The following TRUB1 variants were observed in gnomAD, a reference collection of about 807,000 sequenced individuals.
TRUB1 encodes the protein TruB pseudouridine synthase family member 1, also known as pseudouridylate synthase TRUB1.
Under a neutral mutation model 33.9 loss-of-function variants are expected in TRUB1, and 23 were observed. That is an observed-to-expected ratio of 0.68 (90% CI 0.49 to 0.96). TRUB1 has a LOEUF of 0.96. Among genes scored for constraint, TRUB1 ranks in the 40% least tolerant of loss-of-function variants. TRUB1 has a pLI of 0.00. For missense variants in TRUB1, 378 were observed against 422.2 expected, an observed-to-expected ratio of 0.90 and a Z score of 0.92; for synonymous variants, 163 against 165.4, an observed-to-expected ratio of 0.99 and a Z score of 0.11.
At chr10:114,974,794 T>C (rs1277803908) in intron 7 of TRUB1, among the ~76,000 whole-genome samples, 1 of 152,172 alleles carries the variant, frequency 6.6e-6, no homozygotes, top group African/African-American at 2.4e-5. Flanking sequence ...TGCCATTTAC[T>C]GGCAGTTGTC....
chr10:114,956,164 G>T (rs2084260925), intron 3 of TRUB1, among the ~76,000 whole-genome samples: 1 of 152,176 alleles, frequency 6.6e-6, no homozygotes, highest in African/African-American at 2.4e-5. Context: ...GAGTAAAGTA[G>T]AGAGTAGAAT....
intron 2 of TRUB1, among the ~76,000 whole-genome samples, chr10:114,948,926 G>C (rs1380440793): frequency 6.6e-6 from 1 of 152,156 alleles, no homozygotes; most frequent in Non-Finnish European, 1.5e-5. Context: ...TCTTCTCTCT[G>C]TTGTGTTCCC....
Position 114,976,213 on chromosome 10 carries a change from A to G in TRUB1, c.*834A>G, listed in dbSNP as rs542284583. The G allele has an allele frequency of 1.5e-5, 2 of 133,368 alleles. No individual in the cohort carries two copies. Among genetic ancestry groups the G allele is most frequent in the Admixed American group, 1.4e-4 (2 of 14,322 alleles). The allele number at this position is 133,368 out of a possible 1,614,324, so 8.3% of individuals were successfully genotyped here. On this transcript the variant is annotated 3_prime_UTR_variant, in exon 8 of 8. Coordinates refer to ENST00000298746, the MANE Select transcript of TRUB1 (RefSeq NM_139169.5). ...CTAAAAACTTTATTCTTTAGCATTTATTTATATTTCTCTGTAGGGTGTTCC... is the reference window on the plus strand; with the variant it reads ...CTAAAAACTTTATTCTTTAGCATTTGTTTATATTTCTCTGTAGGGTGTTCC...
intron 4 of TRUB1, among the ~76,000 whole-genome samples, chr10:114,964,478 G>C (rs1214625288): frequency 6.6e-6 from 1 of 151,988 alleles, no homozygotes; most frequent in East Asian, 1.9e-4. Context: ...CTCTTACTTT[G>C]TGGCTTGCCT....
Position 114,963,413 on chromosome 10 carries a change from G to A in TRUB1, c.523+3606G>A, listed in dbSNP as rs201948092. On this transcript the variant is annotated intron_variant, in intron 4 of 7. Transcript: ENST00000298746. Reference sequence around the variant, plus strand: ...TATAATTGGACTAGTGTGTAGCTGGGTATAAAAATTCTTACAAAGCTGTTT... The same window carrying A: ...TATAATTGGACTAGTGTGTAGCTGGATATAAAAATTCTTACAAAGCTGTTT... 2.0e-4 allele frequency among the ~76,000 whole-genome samples: 30 copies of A among 152,246 alleles called. 1 individual carries two copies. In the East Asian group the frequency reaches 5.8e-3, roughly 29 times the overall value.
intron 3 of TRUB1, 69 bp from the exon 4 acceptor site, chr10:114,959,657 C>T (rs1564699965): frequency 1.0e-6 from 1 of 987,944 alleles, no homozygotes. Flanking sequence ...TCTGTGTAAA[C>T]TTCAAGACAT....
intron 4 of TRUB1, among the ~76,000 whole-genome samples, chr10:114,964,166 T>C (rs1181050589): frequency 1.3e-5 from 2 of 152,224 alleles, no homozygotes; most frequent in East Asian, 3.9e-4. Context: ...TAATAGTGTT[T>C]TTAATTTTGG....
intron 4 of TRUB1, among the ~76,000 whole-genome samples, chr10:114,961,671 T>C (rs1474898001): frequency 6.6e-6 from 1 of 152,230 alleles, no homozygotes; most frequent in Non-Finnish European, 1.5e-5. Flanking sequence ...CTACAGTTTA[T>C]TGAATAGTAT....
chr10:114,955,991 C>T (rs1400264302), intron 3 of TRUB1, among the ~76,000 whole-genome samples: 1 of 152,146 alleles, frequency 6.6e-6, no homozygotes, highest in East Asian at 1.9e-4. Flanking sequence ...AGGTTTAAAT[C>T]ACAAGCTTTC....
At chr10:114,972,392 T>G (rs773820412) in intron 6 of TRUB1, 118 bp downstream of exon 6, 18 of 1,178,670 alleles carry the variant, frequency 1.5e-5, no homozygotes, top group Non-Finnish European at 2.0e-5. Context: ...AAATTTGAAT[T>G]TAAGGAAAGT....
intron 3 of TRUB1, among the ~76,000 whole-genome samples, chr10:114,953,876 A>C (rs72833194): frequency 0.028 from 4,269 of 152,184 alleles, 98 homozygotes; most frequent in Non-Finnish European, 0.046. Context: ...GCGTGAACTC[A>C]TTGCAGGGAG....
Position 114,941,321 on chromosome 10 carries a change from CATT to C in TRUB1, c.287-1320_287-1318del. Among the ~76,000 whole-genome samples the C allele has an allele frequency of 6.7e-5, 10 of 148,976 alleles. 3 individuals are homozygous for C. In the Admixed American group the frequency reaches 6.8e-4, roughly 10 times the overall value. On this transcript the variant is annotated intron_variant, in intron 1 of 7. Transcript: ENST00000298746. The stretch of plus-strand genomic sequence containing the variant: ...GTCTCCCCAAAGTACTTTCAAGTAA[CATT>C]ATTTTGCATTATCTTTTTTTTTTTT...
At chr10:114,959,127 T>G (rs1254801022) in intron 3 of TRUB1, among the ~76,000 whole-genome samples, 1 of 152,142 alleles carries the variant, frequency 6.6e-6, no homozygotes, top group East Asian at 1.9e-4. Context: ...CGAGCAAAAC[T>G]CCATCTCAAA....
rs775004643 is a variant in TRUB1, at chr10:114,972,228, A to G, written c.690A>G (p.Val230=). 7 of 1,612,858 alleles carry G rather than the reference A, an allele frequency of 4.3e-6. No individual in the cohort carries two copies. The highest frequency in any genetic ancestry group is 5.9e-6 in the Non-Finnish European group (7 of 1,179,664). ...VEAKPARPVT[V]YSISLQKFQP... ...CAAAACCTGCCAGGCCAGTGACTGT[A>G]TACAGTATCTCCCTTCAAAAATTCC... Residue 230 remains valine, a synonymous_variant, in exon 6 of 8, where the codon GTA becomes GTG. Transcript: ENST00000298746.
In TRUB1 at chr10:114,938,303, A is replaced by T; in HGVS notation, c.50A>T (p.Asp17Val). 6.2e-7 allele frequency: 1 copy of T among 1,614,156 alleles called. No homozygotes were observed. The highest frequency in any genetic ancestry group is 8.5e-7 in the Non-Finnish European group (1 of 1,180,032). ...AVVSSPSLKT[D>V]TSPVLETAGT... ...GTGTCTTCGCCGTCTTTGAAAACAG[A>T]CACATCCCCTGTCCTTGAAACTGCA... The change falls in exon 1 of 8, where the codon GAC (aspartate) becomes GTC (valine). Residue 17 changes from aspartate (D) to valine (V), a missense_variant. Physicochemically the swap from Asp to Val is radical, Grantham distance 152 (BLOSUM62 -3). Transcript: ENST00000298746.
At chr10:114,965,638 T>C (rs986793731) in intron 4 of TRUB1, among the ~76,000 whole-genome samples, 2 of 152,186 alleles carry the variant, frequency 1.3e-5, no homozygotes, top group Non-Finnish European at 2.9e-5. Flanking sequence ...ATCAGATTGG[T>C]ATTTTTTTCT....
chr10:114,945,394 T>C (rs993378901), intron 2 of TRUB1, among the ~76,000 whole-genome samples: 3 of 152,236 alleles, frequency 2.0e-5, no homozygotes, highest in African/African-American at 4.8e-5. Flanking sequence ...ACCCTTCTGC[T>C]TTACTGTTTT....
intron 4 of TRUB1, among the ~76,000 whole-genome samples, chr10:114,968,128 A>T (rs2084318853): frequency 6.6e-6 from 1 of 152,180 alleles, no homozygotes; most frequent in Non-Finnish European, 1.5e-5. Flanking sequence ...AGAAGAGAGA[A>T]TATAGAAAGA....
intron 1 of TRUB1, among the ~76,000 whole-genome samples, chr10:114,941,293 T>A (rs1414655450): frequency 6.6e-6 from 1 of 152,100 alleles, no homozygotes; most frequent in African/African-American, 2.4e-5. Flanking sequence ...AAGCACTGGC[T>A]CTGTCTCCCC....
Sources: gnomAD v4.1 joint callset for allele counts (sites outside exome capture counted in the v4.1 genomes callset) on GRCh38, gnomAD v4.1.1 for gene constraint, MANE v1.5 for transcripts, NCBI Gene and HGNC (gene_info 2026-07-23, HGNC 2026-07-21) for gene names.